Variants in FRMPD4 observed in about 807,000 individuals in gnomAD.
FRMPD4 encodes FERM and PDZ domain containing 4, also known as FERM and PDZ domain-containing protein 4.
In FRMPD4, 22 loss-of-function variants were observed where a neutral mutation model predicts 94.1. The ratio of observed to expected loss-of-function variants is 0.23; its 90% CI spans 0.17 to 0.33. The LOEUF (loss-of-function observed/expected upper bound fraction) is 0.33. Ranked by LOEUF, FRMPD4 falls within the 10% of genes least tolerant of loss-of-function variation. The probability of loss-of-function intolerance (pLI) is 1.00; values close to 1 mark genes in which losing one functional copy is unlikely to be tolerated. For missense variants in FRMPD4, 1,111 were observed against 1,339.9 expected, an observed-to-expected ratio of 0.83 and a Z score of 2.67; for synonymous variants, 631 against 548.6, an observed-to-expected ratio of 1.15 and a Z score of -2.10.
intron 1 of FRMPD4, among the ~76,000 whole-genome samples, chrX:12,397,982 T>C (rs1005624768): frequency 3.6e-5 from 4 of 111,570 alleles, no homozygotes; most frequent in Non-Finnish European, 5.7e-5. Context: ...CAGTAGGAGA[T>C]GAGAGCCCCT....
At position 12,231,050 on chromosome X, in the gene FRMPD4, A is replaced by AATAT. The variant is rs34870506; in HGVS notation, c.41+92060_41+92063dup. On this transcript the variant is annotated intron_variant, in intron 1 of 16. Transcript: ENST00000675598. ...ATATAGTATATATATATATATATAAAATATATATATATATATATATATATA... is the reference window on the plus strand; with the variant it reads ...ATATAGTATATATATATATATATAAAATATATATATATATATATATATATATATA... Among the ~76,000 whole-genome samples the AATAT allele has an allele frequency of 5.9e-3, 180 of 30,529 alleles. 2 individuals carry two copies. Among genetic ancestry groups the AATAT allele is most frequent in the African/African-American group, 0.013 (127 of 9,508 alleles). The allele number at this position is 30,529 out of a possible 115,157, so 26.5% of individuals were successfully genotyped here. A position where few individuals can be genotyped will look rare whatever the true frequency, so the allele number is the denominator to read the frequency against.
At chrX:12,609,143 T>G (rs2059157356) in intron 2 of FRMPD4, among the ~76,000 whole-genome samples, 1 of 112,258 alleles carries the variant, frequency 8.9e-6, no homozygotes, top group South Asian at 3.7e-4. Flanking sequence ...AATCATTAAG[T>G]AGAAGTAGAT....
chrX:12,716,861 G>A lies in FRMPD4; in HGVS notation c.2402G>A (p.Arg801His), dbSNP rs772679523. 42 of 1,211,669 alleles carry A rather than the reference G, an allele frequency of 3.5e-5. No individual in the cohort carries two copies. The highest frequency in any genetic ancestry group is 2.3e-4 in the Middle Eastern group (1 of 4,353). Residue 801 changes from arginine (R) to histidine (H), a missense_variant, in exon 15 of 17, where the codon CGT becomes CAT. Arg to His is a conservative substitution (Grantham distance 29, BLOSUM62 0). Transcript: ENST00000675598. ...GDDNEDDFLL[R>H]SLNMAIAAPP... ...GACAATGAGGATGACTTCCTGTTGC[G>A]TTCCTTGAACATGGCCATTGCCGCA...
At chrX:12,067,216 A>C (rs2054928654) in intron 3 of FRMPD4, among the ~76,000 whole-genome samples, 1 of 109,844 alleles carries the variant, frequency 9.1e-6, no homozygotes, top group African/African-American at 3.3e-5. Context: ...TGACAGGTTT[A>C]GTGCACAGTG....
intron 1 of FRMPD4, among the ~76,000 whole-genome samples, chrX:12,146,134 T>C (rs1159436053): frequency 4.5e-5 from 5 of 110,814 alleles, no homozygotes; most frequent in Non-Finnish European, 5.7e-5. Context: ...GAGGCCGAGG[T>C]GGGCGGATCA....
chrX:11,825,758 T>C (rs1244027715), intron 1 of FRMPD4, among the ~76,000 whole-genome samples: 2 of 112,133 alleles, frequency 1.8e-5, no homozygotes, highest in Non-Finnish European at 3.8e-5. Context: ...ATTTTGACAA[T>C]GTGCTACAGT....
At chrX:12,059,379 T>G in intron 3 of FRMPD4, among the ~76,000 whole-genome samples, 1 of 112,070 alleles carries the variant, frequency 8.9e-6, no homozygotes. Flanking sequence ...TGTTGTTCCC[T>G]TCATCATAAT....
At chrX:12,075,578 C>A (rs1184598915) in intron 3 of FRMPD4, among the ~76,000 whole-genome samples, 1 of 112,426 alleles carries the variant, frequency 8.9e-6, no homozygotes, top group Admixed American at 9.4e-5. Context: ...ACCTTGTCTG[C>A]GGTACTGCAG....
chrX:12,094,154 C>T (rs1414689658), intron 3 of FRMPD4, among the ~76,000 whole-genome samples: 1 of 111,884 alleles, frequency 8.9e-6, no homozygotes, highest in Non-Finnish European at 1.9e-5. Context: ...ATTCATAAAG[C>T]CTCTCAAAGA....
At chrX:12,553,208 A>G (rs1304453124) in intron 2 of FRMPD4, among the ~76,000 whole-genome samples, 1 of 108,958 alleles carries the variant, frequency 9.2e-6, no homozygotes, top group Non-Finnish European at 1.9e-5. Flanking sequence ...GAGAAAGAAA[A>G]AGAGAGAAAA....
At chrX:12,153,199 G>T (rs776519945) in intron 1 of FRMPD4, among the ~76,000 whole-genome samples, 1 of 111,437 alleles carries the variant, frequency 9.0e-6, no homozygotes, top group East Asian at 2.8e-4. Flanking sequence ...GCCTCCCAAA[G>T]TGCTGGGATT....
chrX:11,980,132 GGACT>G (rs1304347591), intron 3 of FRMPD4, among the ~76,000 whole-genome samples: 1 of 110,509 alleles, frequency 9.0e-6, no homozygotes, highest in Non-Finnish European at 1.9e-5. Flanking sequence ...TATATTTATG[GGACT>G]ATTTAAAATT....
chrX:12,170,401 T>G (rs1262659249), intron 1 of FRMPD4, among the ~76,000 whole-genome samples: 3 of 110,920 alleles, frequency 2.7e-5, no homozygotes, highest in Non-Finnish European at 5.7e-5. Context: ...TATGTGCATG[T>G]TAGCATCCGT....
At chrX:12,577,179 G>A (rs776979018) in intron 2 of FRMPD4, among the ~76,000 whole-genome samples, 13 of 100,597 alleles carry the variant, frequency 1.3e-4, no homozygotes, top group African/African-American at 3.3e-4. Flanking sequence ...CAACCATTGC[G>A]TTAGGTGCTC....
chrX:12,588,250 A>C (rs779851461), intron 2 of FRMPD4, among the ~76,000 whole-genome samples: 1 of 112,504 alleles, frequency 8.9e-6, no homozygotes, highest in East Asian at 2.8e-4. Flanking sequence ...TTGGCCTCCC[A>C]AAGTGCTGGG....
At chrX:12,709,253 G>A (rs963934456) in intron 13 of FRMPD4, among the ~76,000 whole-genome samples, 2 of 111,525 alleles carry the variant, frequency 1.8e-5, no homozygotes, top group African/African-American at 3.3e-5. Flanking sequence ...AGCTGGGGGC[G>A]CTGAATCCGC....
chrX:12,581,505 G>A (rs1469313498), intron 2 of FRMPD4, among the ~76,000 whole-genome samples: 6 of 112,071 alleles, frequency 5.4e-5, no homozygotes, highest in Non-Finnish European at 1.1e-4. Context: ...ATATACTAGT[G>A]CTTGAAAAAC....
At chrX:11,902,553 T>C (rs2053944217) in intron 3 of FRMPD4, among the ~76,000 whole-genome samples, 1 of 111,820 alleles carries the variant, frequency 8.9e-6, no homozygotes, top group African/African-American at 3.3e-5. Context: ...TTAATAAACC[T>C]AATTACTTCC....
intron 1 of FRMPD4, among the ~76,000 whole-genome samples, chrX:12,338,051 G>A (rs186257364): frequency 1.8e-5 from 2 of 112,223 alleles, no homozygotes; most frequent in Admixed American, 9.4e-5. Context: ...GGAATGGGGG[G>A]AACACTGTGT....
Sources: gnomAD v4.1 joint callset for allele counts (sites outside exome capture counted in the v4.1 genomes callset) on GRCh38, gnomAD v4.1.1 for gene constraint, MANE v1.5 for transcripts, NCBI Gene and HGNC (gene_info 2026-07-23, HGNC 2026-07-21) for gene names.